Variants in KDM2B observed in about 807,000 individuals in gnomAD.
KDM2B encodes lysine-specific demethylase 2B.
In KDM2B, 26 loss-of-function variants were observed where a neutral mutation model predicts 150.0. The observed-to-expected ratio is 0.17, with a 90% confidence interval of 0.13 to 0.24. The LOEUF is 0.24. Ranked by LOEUF, KDM2B falls within the 10% of genes least tolerant of loss-of-function variation. The probability of loss-of-function intolerance (pLI) is 1.00; values close to 1 mark genes in which losing one functional copy is unlikely to be tolerated. For missense variants in KDM2B, 1,265 were observed against 1,816.9 expected (o/e 0.70, Z 5.52); for synonymous variants, 734 against 729.5 (o/e 1.01, Z -0.10).
At chr12:121,463,292 G>A (rs1879364632) in intron 12 of KDM2B, among the ~76,000 whole-genome samples, 1 of 151,106 alleles carries the variant, frequency 6.6e-6, no homozygotes, top group Non-Finnish European at 1.5e-5. Context: ...CTCCAGCCTG[G>A]ACAACAGAGC....
Position 121,430,698 on chromosome 12 carries a change from T to C in KDM2B, c.3830-229A>G. On this transcript the variant is annotated intron_variant, in intron 22 of 22. Transcript: ENST00000377071. The surrounding 1 kb of genome is among the most constrained non-coding windows in gnomAD (Gnocchi z 4.4). ...AATATATGCCTCAAAAGCATTCAGA[T>C]AACCACGTGAAAATCACTTCTGATT... 1 of 566,722 alleles carries C rather than the reference T, an allele frequency of 1.8e-6. No individual in the cohort carries two copies. The highest frequency in any genetic ancestry group is 3.1e-6 in the Non-Finnish European group (1 of 319,054). The allele number at this position is 566,722 out of a possible 1,614,324, so 35.1% of individuals were successfully genotyped here. A position where few individuals can be genotyped will look rare whatever the true frequency, so the allele number is the denominator to read the frequency against.
intron 12 of KDM2B, among the ~76,000 whole-genome samples, chr12:121,475,728 T>C (rs1435676946): frequency 1.3e-5 from 2 of 150,376 alleles, no homozygotes; most frequent in African/African-American, 4.9e-5. Flanking sequence ...ACCCCATCTA[T>C]AAAAAAAAAT....
intron 22 of KDM2B, among the ~76,000 whole-genome samples, chr12:121,437,689 A>C (rs1874235138): frequency 6.6e-6 from 1 of 152,304 alleles, no homozygotes; most frequent in African/African-American, 2.4e-5. Flanking sequence ...ATTTTCCACG[A>C]TGGAATTCGG....
chr12:121,493,132 T>C (rs1883541218), intron 12 of KDM2B, among the ~76,000 whole-genome samples: 1 of 136,394 alleles, frequency 7.3e-6, no homozygotes, highest in African/African-American at 2.8e-5. Flanking sequence ...GATCTTGAAC[T>C]CCTGGGCTCA....
downstream of KDM2B, among the ~76,000 whole-genome samples, chr12:121,428,556 T>G (rs1203756348): frequency 6.6e-6 from 1 of 152,192 alleles, no homozygotes; most frequent in African/African-American, 2.4e-5. Flanking sequence ...AAAAGGCTTC[T>G]TCCACAGGGG....
chr12:121,519,612 T>C (rs530945685), intron 9 of KDM2B, among the ~76,000 whole-genome samples: 1 of 152,248 alleles, frequency 6.6e-6, no homozygotes, highest in Non-Finnish European at 1.5e-5. Context: ...AGATTAGGGC[T>C]AGCCAGGGGA....
At chr12:121,432,887 C>G (rs1426238483) in intron 22 of KDM2B, among the ~76,000 whole-genome samples, 3 of 152,268 alleles carry the variant, frequency 2.0e-5, no homozygotes, top group East Asian at 3.8e-4. Context: ...AGTCCTGCCT[C>G]TCCCTTGACA....
intron 12 of KDM2B, among the ~76,000 whole-genome samples, chr12:121,474,076 G>A (rs1369865027): frequency 3.3e-5 from 5 of 152,284 alleles, no homozygotes; most frequent in South Asian, 2.1e-4. Flanking sequence ...CAGGGACCAG[G>A]GGAGGGGGAG....
intron 11 of KDM2B, among the ~76,000 whole-genome samples, chr12:121,508,142 A>G (rs1285485083): frequency 6.6e-6 from 1 of 152,010 alleles, no homozygotes; most frequent in Non-Finnish European, 1.5e-5. Flanking sequence ...GCTAGAGTGC[A>G]GTGGCGAGAC....
chr12:121,480,753 G>C (rs1882019758), intron 12 of KDM2B, among the ~76,000 whole-genome samples: 2 of 151,914 alleles, frequency 1.3e-5, no homozygotes, highest in South Asian at 4.2e-4. Context: ...TTGGGTGACA[G>C]AGCAAAAGAC....
At chr12:121,524,923 G>A (rs995703682) in intron 8 of KDM2B, 33 of 258,396 alleles carry the variant, frequency 1.3e-4, no homozygotes, top group African/African-American at 7.4e-4. Flanking sequence ...GGCAGCAGGG[G>A]CAGGTGGGGC....
intron 4 of KDM2B, among the ~76,000 whole-genome samples, chr12:121,566,796 GAAAC>G (rs1294277102): frequency 5.3e-5 from 8 of 152,094 alleles, no homozygotes; most frequent in African/African-American, 1.9e-4. Context: ...ACTCTGTCCT[GAAAC>G]AAACAAACGA....
chr12:121,500,249 C>T (rs1457271878), intron 11 of KDM2B, among the ~76,000 whole-genome samples: 1 of 152,100 alleles, frequency 6.6e-6, no homozygotes, highest in African/African-American at 2.4e-5. Context: ...CTGGGGCTCT[C>T]GGCAGCACAG....
chr12:121,517,401 G>A (rs953288545), intron 9 of KDM2B, among the ~76,000 whole-genome samples: 1 of 151,916 alleles, frequency 6.6e-6, no homozygotes, highest in African/African-American at 2.4e-5. Flanking sequence ...AGCTTCCTAG[G>A]GAACCCTGGG....
chr12:121,479,608 GACTCCATTTTTCTCT>G (rs1881848856), intron 12 of KDM2B, among the ~76,000 whole-genome samples: 2 of 151,942 alleles, frequency 1.3e-5, no homozygotes, highest in Non-Finnish European at 2.9e-5. Flanking sequence ...GACAAACTGT[GACTCCATTTTTCTCT>G]CTCTCTCCTT....
In KDM2B at chr12:121,452,386, G is replaced by A. The variant is rs1389488779; in HGVS notation, c.1959+734C>T. Among the ~76,000 whole-genome samples, 1 of 152,194 alleles carries A rather than the reference G, an allele frequency of 6.6e-6. No individual in the cohort carries two copies. Among genetic ancestry groups the A allele is most frequent in the Non-Finnish European group, 1.5e-5 (1 of 68,020 alleles). Reference sequence around the variant, plus strand: ...GGGGCATCGACAGCCAAGGAGGAAGGGCTCACCCTATGCCAGGCTGGGCCT... The same window carrying A: ...GGGGCATCGACAGCCAAGGAGGAAGAGCTCACCCTATGCCAGGCTGGGCCT... On this transcript the variant is annotated intron_variant, in intron 13 of 22. Coordinates refer to ENST00000377071, the MANE Select transcript of KDM2B (RefSeq NM_032590.5). The surrounding 1 kb of genome is among the most constrained non-coding windows in gnomAD (Gnocchi z 4.4).
intron 4 of KDM2B, among the ~76,000 whole-genome samples, chr12:121,561,246 C>T (rs782309736): frequency 5.9e-5 from 9 of 152,102 alleles, no homozygotes; most frequent in Non-Finnish European, 1.2e-4. Context: ...CATACACGGG[C>T]GCGACCCCAA....
intron 11 of KDM2B, among the ~76,000 whole-genome samples, chr12:121,503,822 C>A (rs1465983793): frequency 1.3e-5 from 2 of 152,226 alleles, no homozygotes; most frequent in East Asian, 1.9e-4. Context: ...ATAGTGAGGA[C>A]ACTGCAGTTT....
intron 22 of KDM2B, among the ~76,000 whole-genome samples, chr12:121,433,663 T>G (rs890688676): frequency 3.9e-5 from 6 of 152,194 alleles, no homozygotes; most frequent in Non-Finnish European, 8.8e-5. Flanking sequence ...AATCTACAGA[T>G]TCAATGAAAT....
Sources: gnomAD v4.1 joint callset for allele counts (sites outside exome capture counted in the v4.1 genomes callset) on GRCh38, gnomAD v4.1.1 for gene constraint, Gnocchi (gnomAD v3.1) non-coding constraint, MANE v1.5 for transcripts, NCBI Gene and HGNC (gene_info 2026-07-23, HGNC 2026-07-21) for gene names.